Variants in ARHGEF10 observed in about 807,000 individuals in gnomAD.
ARHGEF10 encodes Rho guanine nucleotide exchange factor 10.
In ARHGEF10, 140 loss-of-function variants were observed where a neutral mutation model predicts 147.4. The observed-to-expected ratio is 0.95, with a 90% confidence interval of 0.83 to 1.09. The LOEUF (loss-of-function observed/expected upper bound fraction) is 1.09. ARHGEF10 is among the 50% of genes least tolerant of loss of function. ARHGEF10 has a pLI of 0.00. For synonymous variants in ARHGEF10, 902 were observed against 695.8 expected, an observed-to-expected ratio of 1.30 and a Z score of -4.67; for missense variants, 2,222 against 1,752.7, an observed-to-expected ratio of 1.27 and a Z score of -4.78.
chr8:1,837,188 C>T (rs1803636075), intron 1 of ARHGEF10, among the ~76,000 whole-genome samples: 1 of 152,368 alleles, frequency 6.6e-6, no homozygotes, highest in African/African-American at 2.4e-5. Flanking sequence ...GGTGGTAGGG[C>T]AAGGCCTGGG....
upstream of ARHGEF10, among the ~76,000 whole-genome samples, chr8:1,823,794 C>T (rs1253858087): frequency 6.6e-6 from 1 of 151,686 alleles, no homozygotes; most frequent in Non-Finnish European, 1.5e-5. Flanking sequence ...GGCCACGTGG[C>T]CTCGAAGGAA....
intron 2 of ARHGEF10, among the ~76,000 whole-genome samples, chr8:1,845,923 G>A (rs988229471): frequency 1.3e-5 from 2 of 151,544 alleles, no homozygotes; most frequent in South Asian, 4.1e-4. Flanking sequence ...GGCTGGGGGT[G>A]TCTCCATAGC....
intron 18 of ARHGEF10, among the ~76,000 whole-genome samples, chr8:1,921,391 T>C (rs1000909772): frequency 5.9e-5 from 9 of 152,232 alleles, no homozygotes; most frequent in Non-Finnish European, 1.0e-4. Flanking sequence ...GGACGTAGCA[T>C]AGAAGGAAAA....
intron 1 of ARHGEF10, among the ~76,000 whole-genome samples, chr8:1,833,865 A>G (rs1049429967): frequency 2.0e-5 from 3 of 152,162 alleles, no homozygotes; most frequent in Admixed American, 6.5e-5. Context: ...CTCAGCCTCC[A>G]TTGCGACCAT....
rs753461134 is a variant in ARHGEF10, at chr8:1,836,192, A to AAG, written c.-47-7160_-47-7159insGA. Among the ~76,000 whole-genome samples the AAG allele has an allele frequency of 6.5e-3, 842 of 129,394 alleles. 5 individuals are homozygous for AAG. The highest frequency in any genetic ancestry group is 1.0e-2 in the Non-Finnish European group (581 of 58,174). 84.9% of individuals were successfully genotyped at this position (129,394 alleles called of 152,430 possible). A position where few individuals can be genotyped will look rare whatever the true frequency, so the allele number is the denominator to read the frequency against. The stretch of plus-strand genomic sequence containing the variant: ...CAAGACTCTGCCATGGAAAAAAAAA[A>AAG]AAGAAAAAAAAAAACACAATCCAAA... On this transcript the variant is annotated intron_variant, in intron 1 of 28. Transcript: ENST00000349830.
chr8:1,828,038 C>G (rs899275562), intron 1 of ARHGEF10, among the ~76,000 whole-genome samples: 4 of 152,218 alleles, frequency 2.6e-5, no homozygotes, highest in African/African-American at 9.7e-5. Context: ...CCGTCAGTCC[C>G]TGGGGACTCA....
chr8:1,884,601 T>C (rs934189289), intron 10 of ARHGEF10, among the ~76,000 whole-genome samples: 3 of 152,178 alleles, frequency 2.0e-5, no homozygotes, highest in Non-Finnish European at 4.4e-5. Flanking sequence ...ATCAGTAGGT[T>C]TTAAAGCCCC....
intron 17 of ARHGEF10, 142 bp downstream of exon 17, chr8:1,905,858 C>T: frequency 2.0e-6 from 2 of 1,004,256 alleles, no homozygotes; most frequent in Non-Finnish European, 3.0e-6. Context: ...ACTAAGGGAA[C>T]CCTTATAATA....
chr8:1,950,749 T>TG (rs1814973436), intron 27 of ARHGEF10, among the ~76,000 whole-genome samples: 1 of 118,038 alleles, frequency 8.5e-6, no homozygotes. Flanking sequence ...TTTTTTTTTT[T>TG]TTGTATTTTT....
intron 1 of ARHGEF10, among the ~76,000 whole-genome samples, chr8:1,827,042 C>T (rs1291702043): frequency 5.9e-5 from 9 of 152,170 alleles, no homozygotes; most frequent in East Asian, 1.9e-4. Flanking sequence ...GAGCAGAGGC[C>T]GGTGACCAGC....
intron 11 of ARHGEF10, among the ~76,000 whole-genome samples, chr8:1,888,202 A>G (rs1351131733): frequency 7.1e-4 from 24 of 33,896 alleles, no homozygotes; most frequent in African/African-American, 1.5e-3. Context: ...GCGAGGAGAC[A>G]CTTAGTGGGG....
At chr8:1,904,019 C>G (rs775378872) in intron 16 of ARHGEF10, 1 of 158,928 alleles carries the variant, frequency 6.3e-6, no homozygotes, top group Non-Finnish European at 1.4e-5. Flanking sequence ...ATTGCTCGAG[C>G]CTGGGAGGTC....
chr8:1,866,561 C>T lies in ARHGEF10; in HGVS notation c.581C>T (p.Ala194Val), dbSNP rs1396885876. Residue 194 changes from alanine (A) to valine (V), a missense_variant, in exon 6 of 29, where the codon GCC (alanine) becomes GTC (valine). Coordinates refer to ENST00000349830, the MANE Select transcript of ARHGEF10 (RefSeq NM_014629.4). ...GTCGGTCGAGAGGACAGCGCACTTG[C>T]CCGCTGGGCCGCAGACCCGGCCAAC... Reference protein sequence around the residue: ...DQVGREDSALARWAADPANTA... With the variant: ...DQVGREDSALVRWAADPANTA... The T allele has an allele frequency of 6.2e-7, 1 of 1,609,208 alleles. No homozygotes were observed. Among genetic ancestry groups the T allele is most frequent in the South Asian group, 1.1e-5 (1 of 91,076 alleles).
At position 1,887,236 on chromosome 8, in the gene ARHGEF10, A is replaced by G. The variant is rs1243604622; in HGVS notation, c.1182+1529A>G. Among the ~76,000 whole-genome samples, 6 of 152,384 alleles carry G rather than the reference A, an allele frequency of 3.9e-5. No homozygotes were observed. The East Asian group carries it at 9.6e-4, about 24-fold the overall frequency. On this transcript the variant is annotated intron_variant, in intron 11 of 28. Transcript: ENST00000349830. ...AAATAGCAAAAGAAGGGAAAAGCAC[A>G]GGGGAAATGCTTCCTAGCAGATGAG... is the stretch of plus-strand genomic sequence containing the variant.
chr8:1,872,876 G>A (rs1470231923), intron 7 of ARHGEF10, among the ~76,000 whole-genome samples: 1 of 152,200 alleles, frequency 6.6e-6, no homozygotes, highest in Non-Finnish European at 1.5e-5. Context: ...TCATCCTGTT[G>A]ATCAGGAAAA....
chr8:1,933,962 A>G lies in ARHGEF10; in HGVS notation c.3222+20A>G. On this transcript the variant is annotated intron_variant, in intron 26 of 28. Transcript: ENST00000349830. Reference sequence around the variant, plus strand: ...GTAGAGGTAAGTCACTTAGGTGGCTACACGGTGTGGAAAAAATGCATTTCA... The same window carrying G: ...GTAGAGGTAAGTCACTTAGGTGGCTGCACGGTGTGGAAAAAATGCATTTCA... 1 of 1,614,162 alleles carries G rather than the reference A, an allele frequency of 6.2e-7. No individual in the cohort carries two copies. The highest frequency in any genetic ancestry group is 1.1e-5 in the South Asian group (1 of 91,090).
chr8:1,864,265 C>T, intron 4 of ARHGEF10, 108 bp from the exon 5 acceptor site: 1 of 1,091,726 alleles, frequency 9.2e-7, no homozygotes, highest in Non-Finnish European at 1.4e-6. Flanking sequence ...CTAAGATAAG[C>T]CTCTGATTGA....
At chr8:1,833,142 ACAGAAG>A (rs1563149771) in intron 1 of ARHGEF10, among the ~76,000 whole-genome samples, 1 of 102,188 alleles carries the variant, frequency 9.8e-6, no homozygotes, top group Non-Finnish European at 2.2e-5. Context: ...AGAGGCAGAG[ACAGAAG>A]CAGAGACAGA....
At chr8:1,916,402 G>A (rs979996349) in intron 18 of ARHGEF10, among the ~76,000 whole-genome samples, 1 of 152,210 alleles carries the variant, frequency 6.6e-6, no homozygotes, top group African/African-American at 2.4e-5. Context: ...TAAATATCTG[G>A]AATTTGAGAC....
Sources: gnomAD v4.1 joint callset for allele counts (sites outside exome capture counted in the v4.1 genomes callset) on GRCh38, gnomAD v4.1.1 for gene constraint, MANE v1.5 for transcripts, NCBI Gene and HGNC (gene_info 2026-07-23, HGNC 2026-07-21) for gene names.